Variants in TRHDE observed in about 807,000 individuals in gnomAD.
TRHDE encodes the protein thyrotropin releasing hormone degrading enzyme.
In TRHDE, 72 loss-of-function variants were observed where a neutral mutation model predicts 125.7. The observed-to-expected ratio is 0.57, with a 90% CI of 0.47 to 0.70. The LOEUF (loss-of-function observed/expected upper bound fraction) is 0.70, where lower values mean the gene tolerates loss of function less well. Among genes scored for constraint, TRHDE ranks in the 30% least tolerant of loss-of-function variants. The probability of loss-of-function intolerance (pLI) is 0.00; values close to 1 mark genes in which losing one functional copy is unlikely to be tolerated. For synonymous variants in TRHDE, 509 were observed against 509.1 expected, an observed-to-expected ratio of 1.00 and a Z score of 0.00; for missense variants, 1,110 against 1,327.1, an observed-to-expected ratio of 0.84 and a Z score of 2.54.
intron 12 of TRHDE, among the ~76,000 whole-genome samples, chr12:72,576,136 G>A (rs1870982586): frequency 6.6e-6 from 1 of 152,094 alleles, no homozygotes; most frequent in Admixed American, 6.6e-5. Context: ...CTCATAAACT[G>A]AAGCTATTTG....
chr12:72,118,109 T>C (rs1328739889), intron 2 of TRHDE, among the ~76,000 whole-genome samples: 3 of 152,156 alleles, frequency 2.0e-5, no homozygotes, highest in Admixed American at 2.0e-4. Flanking sequence ...CTATGTTTAG[T>C]AACAGTGGTG....
Position 72,273,746 on chromosome 12 carries a change from C to T in TRHDE, c.914+189C>T, listed in dbSNP as rs1879363124. 1.8e-6 allele frequency: 1 copy of T among 561,718 alleles called. No individual in the cohort carries two copies. Among genetic ancestry groups the T allele is most frequent in the Non-Finnish European group, 3.1e-6 (1 of 318,390 alleles). 34.8% of individuals were successfully genotyped at this position (561,718 alleles called of 1,614,324 possible). On this transcript the variant is annotated intron_variant, in intron 1 of 18. Coordinates refer to ENST00000261180, the MANE Select transcript of TRHDE (RefSeq NM_013381.3). The surrounding 1 kb of genome is among the most constrained non-coding windows in gnomAD (Gnocchi z 5.3). The stretch of plus-strand genomic sequence containing the variant: ...CCCAGATGCCTCGGGGTCTCGCTGC[C>T]GCCAACTTCGCAAACTGACTCACCG...
intron 2 of TRHDE, among the ~76,000 whole-genome samples, chr12:72,308,431 C>T (rs1000352063): frequency 1.3e-5 from 2 of 152,056 alleles, no homozygotes; most frequent in Non-Finnish European, 2.9e-5. Flanking sequence ...TCTGGTTCTA[C>T]TCTGTGTTAG....
At chr12:72,122,878 A>C (rs561260663) in intron 2 of TRHDE, among the ~76,000 whole-genome samples, 107 of 152,266 alleles carry the variant, frequency 7.0e-4, no homozygotes, top group African/African-American at 2.5e-3. Flanking sequence ...AGCCTTTTAA[A>C]ACATACCTTC....
intron 15 of TRHDE, among the ~76,000 whole-genome samples, chr12:72,629,461 T>C (rs1873388982): frequency 6.6e-6 from 1 of 151,806 alleles, no homozygotes; most frequent in Non-Finnish European, 1.5e-5. Context: ...TTCTGTGTCT[T>C]CTATCAAAAG....
At chr12:72,269,669 G>A (rs1051263134), upstream of TRHDE, among the ~76,000 whole-genome samples, 4 of 152,152 alleles carry the variant, frequency 2.6e-5, no homozygotes, top group Non-Finnish European at 4.4e-5. Flanking sequence ...AAGACAGAAG[G>A]AATCTGGCTG....
chr12:72,619,419 T>C (rs1872955270), intron 13 of TRHDE, among the ~76,000 whole-genome samples: 1 of 152,182 alleles, frequency 6.6e-6, no homozygotes, highest in Non-Finnish European at 1.5e-5. Flanking sequence ...TTCTTAGTCA[T>C]TATTTTTATC....
At chr12:72,469,654 T>C in intron 3 of TRHDE, 104 bp from the exon 4 acceptor site, 1 of 1,276,714 alleles carries the variant, frequency 7.8e-7, no homozygotes, top group Non-Finnish European at 1.1e-6. Flanking sequence ...CTAAGTAAAA[T>C]CAAGTATTCC....
intron 7 of TRHDE, 100 bp from the exon 8 acceptor site, chr12:72,562,065 A>C: frequency 1.8e-6 from 1 of 565,048 alleles, no homozygotes; most frequent in South Asian, 2.4e-5. Flanking sequence ...TTTTTTATTA[A>C]TATAATTCCA....
At chr12:72,486,589 A>T (rs1256099664) in intron 5 of TRHDE, among the ~76,000 whole-genome samples, 4 of 152,136 alleles carry the variant, frequency 2.6e-5, no homozygotes, top group African/African-American at 9.7e-5. Flanking sequence ...AGACTACACC[A>T]CTGCACCCGC....
chr12:72,222,033 C>T (rs781001909), intron 2 of TRHDE, among the ~76,000 whole-genome samples: 14 of 152,006 alleles, frequency 9.2e-5, no homozygotes, highest in Non-Finnish European at 1.6e-4. Context: ...TTCAGGGACT[C>T]CAATTTCTTA....
At chr12:72,440,195 A>T (rs1000494365) in intron 3 of TRHDE, among the ~76,000 whole-genome samples, 1 of 151,988 alleles carries the variant, frequency 6.6e-6, no homozygotes, top group African/African-American at 2.4e-5. Context: ...ATTTATGTTC[A>T]TCAGGAATAT....
chr12:72,311,123 A>G (rs751216667), intron 2 of TRHDE, among the ~76,000 whole-genome samples: 2 of 152,160 alleles, frequency 1.3e-5, no homozygotes, highest in Non-Finnish European at 2.9e-5. Context: ...GATATAGAAC[A>G]TTACCATCAC....
At chr12:72,284,421 G>A (rs906285327) in intron 1 of TRHDE, among the ~76,000 whole-genome samples, 2 of 152,096 alleles carry the variant, frequency 1.3e-5, no homozygotes, top group African/African-American at 4.8e-5. Flanking sequence ...TTAATAAGCT[G>A]AAAGATAAGA....
intron 2 of TRHDE, among the ~76,000 whole-genome samples, chr12:72,260,766 G>A (rs1259547130): frequency 6.6e-6 from 1 of 152,118 alleles, no homozygotes. Context: ...CTACCAAATG[G>A]AGCCTTCGTT....
chr12:72,618,110 A>G (rs1872895270), intron 12 of TRHDE, among the ~76,000 whole-genome samples: 1 of 152,142 alleles, frequency 6.6e-6, no homozygotes, highest in Admixed American at 6.6e-5. Flanking sequence ...AGAATATTAT[A>G]TACAGTCTAT....
chr12:72,561,792 C>A (rs1250266582), intron 7 of TRHDE, among the ~76,000 whole-genome samples: 1 of 151,994 alleles, frequency 6.6e-6, no homozygotes, highest in Non-Finnish European at 1.5e-5. Context: ...TAAAATATTT[C>A]TTTTTCAACA....
chr12:72,139,231 GCATCCACCA>G (rs1876057687), intron 2 of TRHDE, among the ~76,000 whole-genome samples: 2 of 151,860 alleles, frequency 1.3e-5, no homozygotes, highest in African/African-American at 4.8e-5. Flanking sequence ...CAATATTTCT[GCATCCACCA>G]CCAAATTTTA....
rs535185272 is a variant in TRHDE at position 72,568,117 on chromosome 12, T to C, written c.2043-451T>C. Among the ~76,000 whole-genome samples, 17 of 152,174 alleles carry C rather than the reference T, an allele frequency of 1.1e-4. No individual in the cohort carries two copies. The South Asian group carries it at 3.5e-3, about 32-fold the overall frequency. ...ATATTAACTTTTCTGTAAAGTACAT[T>C]AATAGTGTCCTACAGAGTCATTAGA... On this transcript the variant is annotated intron_variant, in intron 9 of 18. Transcript: ENST00000261180.
Sources: allele counts gnomAD v4.1 joint callset (sites outside exome capture counted in the v4.1 genomes callset), GRCh38; gene constraint gnomAD v4.1.1; non-coding constraint Gnocchi (gnomAD v3.1); transcripts MANE v1.5; gene names NCBI Gene and HGNC (gene_info 2026-07-23, HGNC 2026-07-21).